The following PATZ1 variants were observed in gnomAD, a reference collection of about 807,000 sequenced individuals.
The protein encoded by PATZ1 is POZ-, AT hook-, and zinc finger-containing protein 1.
Under a neutral mutation model 46.2 loss-of-function variants are expected in PATZ1, and 9 were observed. The ratio of observed to expected loss-of-function variants is 0.19; its 90% CI spans 0.12 to 0.34. The LOEUF (loss-of-function observed/expected upper bound fraction) is 0.34, where lower values mean the gene tolerates loss of function less well. PATZ1 is among the 10% of genes least tolerant of loss of function. The pLI, the probability that PATZ1 is intolerant of heterozygous loss-of-function variation, is 1.00. For missense variants in PATZ1, 632 were observed against 923.0 expected (o/e 0.68, Z 4.08); for synonymous variants, 426 against 378.6 (o/e 1.13, Z -1.45).
chr22:31,340,961 T>C (rs749363913), intron 2 of PATZ1: 6 of 1,070,150 alleles, frequency 5.6e-6, no homozygotes, highest in Non-Finnish European at 6.8e-6. Flanking sequence ...TTGACTCTAG[T>C]TGGAATTGTG....
At chr22:31,334,181 G>T (rs1230827625) in intron 3 of PATZ1, among the ~76,000 whole-genome samples, 1 of 152,180 alleles carries the variant, frequency 6.6e-6, no homozygotes, top group Non-Finnish European at 1.5e-5. Flanking sequence ...GACAAGAAAC[G>T]ACATTATTTC....
chr22:31,328,965 G>A lies in PATZ1; in HGVS notation c.1508-41C>T. ...GGAGATGAGATCCCGCGGCCAGCAAGAGATACCTCTCTCCTTCCCCCAACT... is the reference window on the plus strand; with the variant it reads ...GGAGATGAGATCCCGCGGCCAGCAAAAGATACCTCTCTCCTTCCCCCAACT... On this transcript the variant is annotated intron_variant, in intron 3 of 4. Coordinates refer to ENST00000266269, the MANE Select transcript of PATZ1 (RefSeq NM_014323.3). This position sits in a 1 kb window ranked among gnomAD's most constrained non-coding sequence, Gnocchi z 4.8. 1 of 1,533,424 alleles carries A rather than the reference G, an allele frequency of 6.5e-7. No homozygotes were observed. Among genetic ancestry groups the A allele is most frequent in the Non-Finnish European group, 8.7e-7 (1 of 1,147,986 alleles). 95.0% of individuals were successfully genotyped at this position (1,533,424 alleles called of 1,614,324 possible).
rs764921895 is a variant in PATZ1, at chr22:31,344,864, G to C, written c.739C>G (p.Leu247Val). 1.2e-6 allele frequency: 2 copies of C among 1,612,900 alleles called. No individual in the cohort carries two copies. The highest frequency in any genetic ancestry group is 2.2e-5 in the East Asian group (1 of 44,886). ...MVAGPLSPQL[L>V]TSPFPSVASS... ...GCCACACTGGGGAATGGGGAAGTCA[G>C]CAGTTGGGGGGATAGGGGTCCAGCC... is the stretch of plus-strand genomic sequence containing the variant. Residue 247 changes from leucine (L) to valine (V), a missense_variant, in exon 1 of 5, where the codon CTG (leucine) becomes GTG (valine). Physicochemically the swap from Leu to Val is conservative, Grantham distance 32. Transcript: ENST00000266269.
intron 3 of PATZ1, among the ~76,000 whole-genome samples, chr22:31,332,476 G>A (rs907833763): frequency 3.3e-5 from 5 of 152,168 alleles, no homozygotes; most frequent in South Asian, 2.1e-4. Context: ...ACAAGCCACC[G>A]GCCCTTTCAC....
Position 31,328,962 on chromosome 22 carries a change from C to T in PATZ1, c.1508-38G>A. 6.5e-7 allele frequency: 1 copy of T among 1,546,396 alleles called. No individual in the cohort carries two copies. Among genetic ancestry groups the T allele is most frequent in the Non-Finnish European group, 8.7e-7 (1 of 1,153,638 alleles). On this transcript the variant is annotated intron_variant, in intron 3 of 4. Transcript: ENST00000266269. This position sits in a 1 kb window ranked among gnomAD's most constrained non-coding sequence, Gnocchi z 4.8. ...AAAGGAGATGAGATCCCGCGGCCAG[C>T]AAGAGATACCTCTCTCCTTCCCCCA...
In PATZ1 at chr22:31,345,405, A is replaced by G. The variant is rs2049640696; in HGVS notation, c.198T>C (p.Phe66=). The G allele has an allele frequency of 6.2e-7, 1 of 1,611,664 alleles. No individual in the cohort carries two copies. Among genetic ancestry groups the G allele is most frequent in the African/African-American group, 1.3e-5 (1 of 75,004 alleles). The change falls in exon 1 of 5, where the codon TTT becomes TTC. Residue 66 remains phenylalanine (F), a synonymous_variant. Transcript: ENST00000266269. This position sits in a 1 kb window ranked among gnomAD's most constrained non-coding sequence, Gnocchi z 7.4. ...CCAACTGGGCGCTGAACACCGACTCAAAGTACTCGCTGCAGGCGGCCAGCA... is the reference window on the plus strand; with the variant it reads ...CCAACTGGGCGCTGAACACCGACTCGAAGTACTCGCTGCAGGCGGCCAGCA... ...RAVLAACSEY[F]ESVFSAQLGD...
chr22:31,343,041 C>T lies in PATZ1; in HGVS notation c.1272-81G>A, dbSNP rs1443913662. On this transcript the variant is annotated intron_variant, in intron 1 of 4. Coordinates refer to ENST00000266269, the MANE Select transcript of PATZ1 (RefSeq NM_014323.3). The stretch of plus-strand genomic sequence containing the variant: ...AGGCACATATGCATACGTGTGTACA[C>T]ACACACACACACTCACTGCTGGAAA... 3 of 1,552,408 alleles carry T rather than the reference C, an allele frequency of 1.9e-6. No homozygotes were observed. In the East Asian group the frequency reaches 7.0e-5, roughly 36 times the overall value.
At chr22:31,331,399 G>A (rs1365302093) in intron 3 of PATZ1, among the ~76,000 whole-genome samples, 4 of 150,894 alleles carry the variant, frequency 2.7e-5, no homozygotes, top group Admixed American at 6.6e-5. Flanking sequence ...GAGTGCAGTG[G>A]CACCATCTCG....
In PATZ1 at chr22:31,346,148, C is replaced by CGGCGGCGGGGCGCGCACGGG. The variant is rs1168247192; in HGVS notation, c.-566_-547dup. 2 of 147,854 alleles carry CGGCGGCGGGGCGCGCACGGG rather than the reference C, an allele frequency of 1.4e-5. No individual in the cohort carries two copies. Among genetic ancestry groups the CGGCGGCGGGGCGCGCACGGG allele is most frequent in the Non-Finnish European group, 3.0e-5 (2 of 66,106 alleles). 9.2% of individuals were successfully genotyped at this position (147,854 alleles called of 1,614,324 possible). A position where few individuals can be genotyped will look rare whatever the true frequency, so the allele number is the denominator to read the frequency against. ...AAACAAAAGGCGAAGGCGAAGGCGGCGGCGGCGGGGCGCGCACGGGGGCGG... is the reference window on the plus strand; with the variant it reads ...AAACAAAAGGCGAAGGCGAAGGCGGCGGCGGCGGGGCGCGCACGGGGGCGGCGGGGCGCGCACGGGGGCGG... On this transcript the variant is annotated 5_prime_UTR_variant, in exon 1 of 5. Transcript: ENST00000266269.
At chr22:31,332,165 TA>T (rs1287669555) in intron 3 of PATZ1, among the ~76,000 whole-genome samples, 1 of 152,164 alleles carries the variant, frequency 6.6e-6, no homozygotes, top group Non-Finnish European at 1.5e-5. Context: ...CTCTTGACTT[TA>T]CCCCAGCTGC....
At chr22:31,335,051 A>T (rs2049491253) in intron 3 of PATZ1, among the ~76,000 whole-genome samples, 1 of 152,152 alleles carries the variant, frequency 6.6e-6, no homozygotes, top group Admixed American at 6.6e-5. Flanking sequence ...AACCTTGGGG[A>T]CAGGCTTGAC....
intron 2 of PATZ1, 122 bp from the exon 3 acceptor site, chr22:31,335,985 AG>A (rs1192332231): frequency 1.2e-6 from 1 of 866,224 alleles, no homozygotes; most frequent in African/African-American, 1.7e-5. Flanking sequence ...TTATAAAGAC[AG>A]CTTTAGAGTT....
rs1012444924 is a variant in PATZ1 at position 31,328,801 on chromosome 22, G to A, written c.1631C>T (p.Thr544Ile). 1 of 1,613,236 alleles carries A rather than the reference G, an allele frequency of 6.2e-7. No individual in the cohort carries two copies. Among genetic ancestry groups the A allele is most frequent in the African/African-American group, 1.3e-5 (1 of 75,028 alleles). Residue 544 changes from threonine to isoleucine, a missense_variant, in exon 4 of 5, where the codon ACC becomes ATC. Thr to Ile is a moderately conservative substitution (Grantham distance 89). Around this residue, in one of 7 missense-constraint regions of PATZ1, gnomAD observed 176 missense variants for 249.4 expected, o/e 0.71. Coordinates refer to ENST00000266269, the MANE Select transcript of PATZ1 (RefSeq NM_014323.3). This position sits in a 1 kb window ranked among gnomAD's most constrained non-coding sequence, Gnocchi z 4.8. ...GGGTCGCTTGCCTTTGTTGCCATAGGTCCTGGCGCAGTGGAACGCTGCTCC... is the reference window on the plus strand; with the variant it reads ...GGGTCGCTTGCCTTTGTTGCCATAGATCCTGGCGCAGTGGAACGCTGCTCC... ...NGGAAFHCAR[T>I]YGNKEGQKCS... is the part of the protein sequence containing the mutation.
At chr22:31,341,942 G>C (rs2049588056) in intron 2 of PATZ1, among the ~76,000 whole-genome samples, 6 of 152,134 alleles carry the variant, frequency 3.9e-5, no homozygotes, top group Admixed American at 3.9e-4. Context: ...TGACCCCCAG[G>C]GGCTCTGCCC....
rs1447997837 is a variant in PATZ1, at chr22:31,345,470, A to G, written c.133T>C (p.Leu45=). Residue 45 remains leucine, a synonymous_variant, in exon 1 of 5, where the codon TTG becomes CTG. Coordinates refer to ENST00000266269, the MANE Select transcript of PATZ1 (RefSeq NM_014323.3). The surrounding 1 kb of genome is among the most constrained non-coding windows in gnomAD (Gnocchi z 7.4). ...GGGAAGCTCTCGTCGCCTACCCGCA[A>G]GAGCACGTCGCAGAAGCGCCCGCCG... ...KNGGRFCDVL[L]RVGDESFPAH... 3 of 1,612,384 alleles carry G rather than the reference A, an allele frequency of 1.9e-6. No homozygotes were observed. Among genetic ancestry groups the G allele is most frequent in the Non-Finnish European group, 2.5e-6 (3 of 1,179,708 alleles).
rs116561969 is a variant in PATZ1 at position 31,343,911 on chromosome 22, T to C, written c.1271+421A>G. ...GTTGGGGAATCTGGTGCCTCAAGAG[T>C]GTAGGGAGTCCCAGATGCACTTGTT... On this transcript the variant is annotated intron_variant, in intron 1 of 4. Coordinates refer to ENST00000266269, the MANE Select transcript of PATZ1 (RefSeq NM_014323.3). 5.6e-3 allele frequency among the ~76,000 whole-genome samples: 845 copies of C among 152,032 alleles called. 9 individuals are homozygous for C. Among genetic ancestry groups the C allele is most frequent in the African/African-American group, 0.019 (780 of 41,462 alleles).
In PATZ1 at chr22:31,346,166, G is replaced by A; in HGVS notation, c.-564C>T. The A allele has an allele frequency of 6.8e-6, 1 of 147,808 alleles. No homozygotes were observed. Among genetic ancestry groups the A allele is most frequent in the Non-Finnish European group, 1.5e-5 (1 of 66,094 alleles). The allele number at this position is 147,808 out of a possible 1,614,324, so 9.2% of individuals were successfully genotyped here. A position where few individuals can be genotyped will look rare whatever the true frequency, so the allele number is the denominator to read the frequency against. On this transcript the variant is annotated 5_prime_UTR_variant, in exon 1 of 5. Transcript: ENST00000266269. ...AAGGCGGCGGCGGCGGGGCGCGCAC[G>A]GGGGCGGTGGCGCGGGCCGGGTCCC...
chr22:31,344,930 A>G lies in PATZ1; in HGVS notation c.673T>C (p.Ser225Pro). Residue 225 changes from serine (S) to proline (P), a missense_variant, in exon 1 of 5, where the codon TCT becomes CCT. By Grantham distance (74) the Ser-to-Pro change is moderately conservative. Coordinates refer to ENST00000266269, the MANE Select transcript of PATZ1 (RefSeq NM_014323.3). ...AAGAAIAGQA[S>P]LPVLPGVDRL... Reference sequence around the variant, plus strand: ...TCCACCCCAGGTAACACAGGCAAAGAGGCTTGGCCTGCAATGGCTGCACCA... The same window carrying G: ...TCCACCCCAGGTAACACAGGCAAAGGGGCTTGGCCTGCAATGGCTGCACCA... 6.2e-7 allele frequency: 1 copy of G among 1,613,646 alleles called. No individual in the cohort carries two copies. Among genetic ancestry groups the G allele is most frequent in the Non-Finnish European group, 8.5e-7 (1 of 1,179,994 alleles).
chr22:31,337,050 C>T (rs918534092), intron 2 of PATZ1, among the ~76,000 whole-genome samples: 1 of 151,400 alleles, frequency 6.6e-6, no homozygotes, highest in African/African-American at 2.4e-5. Context: ...GCAGAGCTTG[C>T]AGTGAGCCGA....
Sources: allele counts gnomAD v4.1 joint callset (sites outside exome capture counted in the v4.1 genomes callset), GRCh38; gene constraint gnomAD v4.1.1; regional missense constraint gnomAD v4.1.1; non-coding constraint Gnocchi (gnomAD v3.1); transcripts MANE v1.5; gene names NCBI Gene and HGNC (gene_info 2026-07-23, HGNC 2026-07-21).